The following ANXA4 variants were observed in gnomAD, a reference collection of about 807,000 sequenced individuals.
ANXA4 encodes 35-beta calcimedin.
Under a neutral mutation model 49.8 loss-of-function variants are expected in ANXA4, and 39 were observed. That is an observed-to-expected ratio of 0.78 (90% CI 0.61 to 1.02). ANXA4 has a LOEUF of 1.02. Ranked by LOEUF, ANXA4 falls within the 50% of genes least tolerant of loss-of-function variation. ANXA4 has a pLI of 0.00. For synonymous variants in ANXA4, 134 were observed against 152.5 expected (o/e 0.88, Z 0.89); for missense variants, 360 against 410.1 (o/e 0.88, Z 1.05).
chr2:69,663,942 C>T (rs1024220677), intron 2 of ANXA4, among the ~76,000 whole-genome samples: 57 of 151,994 alleles, frequency 3.8e-4, no homozygotes, highest in African/African-American at 1.4e-3. Flanking sequence ...CATGAATTTC[C>T]ACATTGAAAG....
intron 2 of ANXA4, among the ~76,000 whole-genome samples, chr2:69,783,448 C>T (rs1214657863): frequency 6.6e-6 from 1 of 152,172 alleles, no homozygotes; most frequent in Non-Finnish European, 1.5e-5. Flanking sequence ...AACTCCTGAC[C>T]TCATGATCTG....
intron 6 of ANXA4, 39 bp from the exon 7 acceptor site, chr2:69,810,555 C>T (rs748140568): frequency 1.3e-6 from 2 of 1,560,444 alleles, no homozygotes; most frequent in Non-Finnish European, 1.8e-6. Context: ...TTGGGCAAGA[C>T]TCTTAATTCT....
chr2:69,712,180 C>CCCA (rs1267866431), intron 2 of ANXA4, among the ~76,000 whole-genome samples: 2 of 151,880 alleles, frequency 1.3e-5, no homozygotes, highest in Non-Finnish European at 2.9e-5. Context: ...CCAACCCCAC[C>CCCA]CCACCACCAC....
rs1573299127 is a variant in ANXA4 at position 69,807,996 on chromosome 2, CG to C, written c.397+1del. 2 of 1,613,938 alleles carry C rather than the reference CG, an allele frequency of 1.2e-6. No homozygotes were observed. The highest frequency in any genetic ancestry group is 8.5e-7 in the Non-Finnish European group (1 of 1,179,868). The stretch of plus-strand genomic sequence containing the variant: ...GCGCATAAGCCAAACCTACCAGCAG[CG>C]TACGTGACATCCGCAGTGGCCCTGG... On this transcript the variant is annotated splice_donor_variant, in intron 6 of 12. Transcript: ENST00000394295. LOFTEE classifies it high-confidence loss of function.
chr2:69,661,707 G>A (rs1182883919), intron 2 of ANXA4, among the ~76,000 whole-genome samples: 1 of 152,122 alleles, frequency 6.6e-6, no homozygotes, highest in African/African-American at 2.4e-5. Context: ...CAGTAGTAGG[G>A]AAAACCAAGA....
intron 11 of ANXA4, among the ~76,000 whole-genome samples, chr2:69,820,249 T>C (rs1226937637): frequency 1.3e-5 from 2 of 148,464 alleles, no homozygotes; most frequent in East Asian, 3.9e-4. Context: ...TTTTTTTTTT[T>C]CAATATTTGT....
At chr2:69,669,275 A>G (rs1479620487) in intron 2 of ANXA4, among the ~76,000 whole-genome samples, 1 of 151,656 alleles carries the variant, frequency 6.6e-6, no homozygotes, top group Non-Finnish European at 1.5e-5. Context: ...CAAACAATTT[A>G]TTACCAGTAT....
intron 2 of ANXA4, among the ~76,000 whole-genome samples, chr2:69,786,385 G>T (rs1254700559): frequency 1.3e-5 from 2 of 151,976 alleles, no homozygotes; most frequent in Admixed American, 6.6e-5. Flanking sequence ...CCAGATCTTG[G>T]CCCAGGCTCT....
intron 3 of ANXA4, among the ~76,000 whole-genome samples, chr2:69,731,908 G>A (rs1198372651): frequency 1.3e-5 from 2 of 151,846 alleles, no homozygotes; most frequent in Non-Finnish European, 2.9e-5. Context: ...AAAGGGTGTC[G>A]CTCCTTTGGG....
intron 1 of ANXA4, among the ~76,000 whole-genome samples, chr2:69,742,607 A>G (rs940389354): frequency 5.3e-5 from 8 of 152,184 alleles, no homozygotes; most frequent in African/African-American, 7.2e-5. Context: ...CCTTTCTCCT[A>G]GATCCTTACC....
rs367759311 is a variant in ANXA4 at position 69,820,762 on chromosome 2, T to C, written c.847T>C (p.Leu283=). ...VMVSRAEIDM[L]DIRAHFKRLY... ...GGTTTCTCGAGCAGAAATTGACATG[T>C]TGGATATCCGGGCACACTTCAAGAG... Residue 283 remains leucine, a synonymous_variant, in exon 12 of 13, where the codon TTG becomes CTG. Coordinates refer to ENST00000394295, the MANE Select transcript of ANXA4 (RefSeq NM_001153.5). 1.9e-5 allele frequency: 30 copies of C among 1,614,074 alleles called. No individual in the cohort carries two copies. The highest frequency in any genetic ancestry group is 6.7e-5 in the African/African-American group (5 of 74,930).
intron 2 of ANXA4, among the ~76,000 whole-genome samples, chr2:69,783,577 A>G (rs1174796321): frequency 6.6e-6 from 1 of 152,192 alleles, no homozygotes; most frequent in Non-Finnish European, 1.5e-5. Context: ...CATTGTATTC[A>G]AGATTTTAAA....
chr2:69,670,987 C>G (rs1339551739), intron 2 of ANXA4, among the ~76,000 whole-genome samples: 1 of 135,850 alleles, frequency 7.4e-6, no homozygotes, highest in Non-Finnish European at 1.5e-5. Flanking sequence ...GATCACACCA[C>G]TGCACTCCAG....
Sources: gnomAD v4.1 joint callset for allele counts (sites outside exome capture counted in the v4.1 genomes callset) on GRCh38, gnomAD v4.1.1 for gene constraint, MANE v1.5 for transcripts, NCBI Gene and HGNC (gene_info 2026-07-23, HGNC 2026-07-21) for gene names.